Variants in STAG3 observed in about 807,000 individuals in gnomAD.
STAG3 encodes STAG3 cohesin complex component.
In STAG3, 101 loss-of-function variants were observed where a neutral mutation model predicts 160.7. That is an observed-to-expected ratio of 0.63 (90% CI 0.54 to 0.74). The LOEUF is 0.74. Ranked by LOEUF, STAG3 falls within the 30% of genes least tolerant of loss-of-function variation. STAG3 has a pLI of 0.00. For missense variants in STAG3, 1,188 were observed against 1,517.4 expected, an observed-to-expected ratio of 0.78 and a Z score of 3.61; for synonymous variants, 519 against 585.0, an observed-to-expected ratio of 0.89 and a Z score of 1.63.
chr7:100,184,198 G>A (rs1310480855), intron 4 of STAG3, among the ~76,000 whole-genome samples: 5 of 151,884 alleles, frequency 3.3e-5, no homozygotes, highest in African/African-American at 7.3e-5. Flanking sequence ...CTCGGGAGGC[G>A]GAGGTTGCAG....
In STAG3 at chr7:100,202,507, C is replaced by T; in HGVS notation, c.2617C>T (p.Leu873Phe). 1.2e-6 allele frequency: 2 copies of T among 1,614,190 alleles called. No individual in the cohort carries two copies. Among genetic ancestry groups the T allele is most frequent in the Non-Finnish European group, 1.7e-6 (2 of 1,180,038 alleles). The change falls in exon 25 of 34, where the codon CTC becomes TTC. Residue 873 changes from leucine (L) to phenylalanine (F), a missense_variant. By Grantham distance (22) the Leu-to-Phe change is conservative. Transcript: ENST00000615138. ...QIERLHQRRR[L>F]LAGFCKLLLY... ...AGAGCGGCTACACCAGCGGCGCCGC[C>T]TCCTAGCCGGGTTCTGCAAGCTGTT...
intron 1 of STAG3, among the ~76,000 whole-genome samples, chr7:100,178,442 T>C (rs890935412): frequency 2.6e-5 from 4 of 152,030 alleles, no homozygotes; most frequent in African/African-American, 9.7e-5. Context: ...GTATTTTTTT[T>C]CTTATTTCTT....
intron 8 of STAG3, 47 bp from the exon 9 acceptor site, chr7:100,195,262 C>G: frequency 1.3e-6 from 2 of 1,558,910 alleles, no homozygotes; most frequent in Non-Finnish European, 8.8e-7. Flanking sequence ...GGGCCTTATG[C>G]TTGTTAGGGT....
intron 5 of STAG3, among the ~76,000 whole-genome samples, chr7:100,188,032 A>C (rs1184498347): frequency 6.6e-6 from 1 of 152,240 alleles, no homozygotes; most frequent in Non-Finnish European, 1.5e-5. Context: ...CTGGGATTAC[A>C]GGCATGACCG....
chr7:100,182,396 A>G (rs543606133), intron 3 of STAG3, among the ~76,000 whole-genome samples: 30 of 152,226 alleles, frequency 2.0e-4, no homozygotes, highest in Middle Eastern at 6.8e-3. Flanking sequence ...AAAGAGGTTC[A>G]GGTGATACGG....
Position 100,197,166 on chromosome 7 carries a change from C to T in STAG3, c.952C>T (p.Pro318Ser). Residue 318 changes from proline (P) to serine (S), a missense_variant, in exon 10 of 34, where the codon CCT (proline) becomes TCT (serine). Coordinates refer to ENST00000615138, the MANE Select transcript of STAG3 (RefSeq NM_001282717.2). Reference protein sequence around the residue: ...VFVHRYRDVLPEIRAICIEEI... With the variant: ...VFVHRYRDVLSEIRAICIEEI... ...TCTGTCTGTGTCTAGGGATGTCCTT[C>T]CTGAGATCCGTGCTATCTGCATTGA... The T allele has an allele frequency of 5.0e-6, 8 of 1,601,394 alleles. No individual in the cohort carries two copies. Among genetic ancestry groups the T allele is most frequent in the Non-Finnish European group, 5.1e-6 (6 of 1,171,436 alleles).
rs1554408657 is a variant in STAG3 at position 100,200,855 on chromosome 7, C to CGG, written c.1947_1948insGG (p.Tyr650GlyfsTer22). On this transcript the variant is annotated frameshift_variant, in exon 19 of 34. Transcript: ENST00000615138. LOFTEE classifies it high-confidence loss of function. ...TGCTTGAGGCTGGGGCGCATGCCCTCTACCTGCTCTGTAATCCCGAATTCA... is the reference window on the plus strand; with the variant it reads ...TGCTTGAGGCTGGGGCGCATGCCCTCGGTACCTGCTCTGTAATCCCGAATTCA... 6.8e-6 allele frequency: 11 copies of CGG among 1,614,090 alleles called. No individual in the cohort carries two copies. The highest frequency in any genetic ancestry group is 9.3e-6 in the Non-Finnish European group (11 of 1,180,050).
chr7:100,189,722 C>T, intron 8 of STAG3, 126 bp downstream of exon 8: 1 of 1,094,410 alleles, frequency 9.1e-7, no homozygotes, highest in Non-Finnish European at 1.3e-6. Context: ...GCAATAGTTT[C>T]ATAGACCCAT....
In STAG3 at chr7:100,200,974, G is replaced by C. The variant is rs778844815; in HGVS notation, c.2061+5G>C. 1.2e-6 allele frequency: 2 copies of C among 1,614,186 alleles called. No homozygotes were observed. Among genetic ancestry groups the C allele is most frequent in the Non-Finnish European group, 1.7e-6 (2 of 1,180,028 alleles). ...GAGCTTGAAGAGCTGTTACAGGTAG[G>C]AGCTGGGGCTGGACAATGGGACACC... On this transcript the variant is annotated splice_donor_5th_base_variant and intron_variant, in intron 19 of 33. Transcript: ENST00000615138.
At chr7:100,213,875 A>G (rs913748892) in intron 33 of STAG3, 69 bp downstream of exon 33, 7 of 1,613,568 alleles carry the variant, frequency 4.3e-6, no homozygotes, top group Middle Eastern at 1.7e-4. Flanking sequence ...GCACTCATCA[A>G]ATTGACAGGC....
Position 100,180,583 on chromosome 7 carries a change from G to T in STAG3, c.27G>T (p.Val9=), listed in dbSNP as rs1799581816. Residue 9 remains valine, a synonymous_variant, in exon 2 of 34, where the codon GTG becomes GTT. Coordinates refer to ENST00000615138, the MANE Select transcript of STAG3 (RefSeq NM_001282717.2). ...TGTCTTCCCCGTTGCAAAGAGCTGT[G>T]GGAGATACCAAGAGGGCCTTGTCTG... MSSPLQRA[V]GDTKRALSAS... 1 of 1,612,778 alleles carries T rather than the reference G, an allele frequency of 6.2e-7. No individual in the cohort carries two copies. The highest frequency in any genetic ancestry group is 1.3e-5 in the African/African-American group (1 of 74,878).
intron 25 of STAG3, 84 bp downstream of exon 25, chr7:100,202,674 G>A: frequency 2.0e-6 from 3 of 1,518,232 alleles, no homozygotes; most frequent in Non-Finnish European, 2.7e-6. Flanking sequence ...CACTACAGGT[G>A]GGGGATATCC....
Position 100,198,701 on chromosome 7 carries a change from C to T in STAG3, c.1352+119C>T, listed in dbSNP as rs1417524859. Reference sequence around the variant, plus strand: ...TGAAAGTCTCCCTGGTGTCTCCTTTCTTCTCGCAGCTCCTTGGGGCTTTCC... The same window carrying T: ...TGAAAGTCTCCCTGGTGTCTCCTTTTTTCTCGCAGCTCCTTGGGGCTTTCC... On this transcript the variant is annotated intron_variant, in intron 13 of 33. Transcript: ENST00000615138. 3 of 1,233,452 alleles carry T rather than the reference C, an allele frequency of 2.4e-6. No individual in the cohort carries two copies. In the African/African-American group the frequency reaches 4.5e-5, roughly 18 times the overall value. 76.4% of individuals were successfully genotyped at this position (1,233,452 alleles called of 1,614,324 possible).
In STAG3 at chr7:100,200,833, T is replaced by C. The variant is rs1205278827; in HGVS notation, c.1925T>C (p.Leu642Pro). Residue 642 changes from leucine (L) to proline (P), a missense_variant, in exon 19 of 34, where the codon CTT becomes CCT. Leu to Pro is a moderately conservative substitution (Grantham distance 98). Around this residue, in one of 4 missense-constraint regions of STAG3, gnomAD observed 647 missense variants for 717.2 expected, o/e 0.90. Coordinates refer to ENST00000615138, the MANE Select transcript of STAG3 (RefSeq NM_001282717.2). ...VVVKHAEPAV[L>P]EAGAHALYLL... is the part of the protein sequence containing the mutation. ...GTGAAGCATGCAGAGCCAGCGGTGC[T>C]TGAGGCTGGGGCGCATGCCCTCTAC... 3.1e-6 allele frequency: 5 copies of C among 1,614,122 alleles called. No homozygotes were observed. The highest frequency in any genetic ancestry group is 4.2e-6 in the Non-Finnish European group (5 of 1,180,048).
At chr7:100,214,984 T>C (rs993892677), downstream of STAG3, 2 of 152,118 alleles carry the variant, frequency 1.3e-5, no homozygotes, top group African/African-American at 4.8e-5. Flanking sequence ...ACTGCCACAG[T>C]GCAGCCTCAG....
intron 4 of STAG3, among the ~76,000 whole-genome samples, chr7:100,184,463 G>GGTTTTTTTTTTT (rs71126310): frequency 1.0e-4 from 10 of 98,588 alleles, no homozygotes; most frequent in African/African-American, 2.4e-4. Flanking sequence ...CAGCGTGTTA[G>GGTTTTTTTTTTT]TTTTTTTTTT....
chr7:100,205,556 G>A (rs954498274), intron 29 of STAG3, among the ~76,000 whole-genome samples, 172 bp downstream of exon 29: 2 of 152,198 alleles, frequency 1.3e-5, no homozygotes, highest in African/African-American at 4.8e-5. Flanking sequence ...AGAGGGCCAG[G>A]TGTGGTGGCT....
At chr7:100,182,576 A>G (rs1584651241) in intron 3 of STAG3, 147 bp from the exon 4 acceptor site, 4 of 836,290 alleles carry the variant, frequency 4.8e-6, no homozygotes, top group South Asian at 3.4e-5. Context: ...ATAAAAATCA[A>G]TTATTTCAGG....
downstream of STAG3, among the ~76,000 whole-genome samples, chr7:100,214,595 A>T (rs1296146337): frequency 5.3e-5 from 8 of 151,568 alleles, no homozygotes; most frequent in African/African-American, 9.7e-5. Flanking sequence ...TCTAGTGGCC[A>T]CAGCCTCTGC....
Sources: allele counts gnomAD v4.1 joint callset (sites outside exome capture counted in the v4.1 genomes callset), GRCh38; gene constraint gnomAD v4.1.1; regional missense constraint gnomAD v4.1.1; transcripts MANE v1.5; gene names NCBI Gene and HGNC (gene_info 2026-07-23, HGNC 2026-07-21).